The following VAV3 variants were observed in gnomAD, a reference collection of about 807,000 sequenced individuals.
The protein encoded by VAV3 is guanine nucleotide exchange factor VAV3.
In VAV3, 94 loss-of-function variants were observed where a neutral mutation model predicts 131.2. The ratio of observed to expected loss-of-function variants is 0.72; its 90% CI spans 0.61 to 0.85. The LOEUF (loss-of-function observed/expected upper bound fraction) is 0.85, where lower values mean the gene tolerates loss of function less well. VAV3 is among the 40% of genes least tolerant of loss of function. The pLI is 0.00. For missense variants in VAV3, 939 were observed against 1,002.7 expected, an observed-to-expected ratio of 0.94 and a Z score of 0.86; for synonymous variants, 349 against 342.0, an observed-to-expected ratio of 1.02 and a Z score of -0.22.
intron 1 of VAV3, among the ~76,000 whole-genome samples, chr1:107,909,835 A>G (rs1431134066): frequency 1.3e-5 from 2 of 152,178 alleles, no homozygotes; most frequent in Non-Finnish European, 2.9e-5. Context: ...AATCTTTCTA[A>G]TCAGTGAAGA....
Position 107,801,350 on chromosome 1 carries a change from T to A in VAV3, c.322-21858A>T, listed in dbSNP as rs115802367. Among the ~76,000 whole-genome samples, 497 of 152,268 alleles carry A rather than the reference T, an allele frequency of 3.3e-3. 1 individual carries two copies. Among genetic ancestry groups the A allele is most frequent in the African/African-American group, 0.011 (463 of 41,572 alleles). On this transcript the variant is annotated intron_variant, in intron 2 of 26. Coordinates refer to ENST00000370056, the MANE Select transcript of VAV3 (RefSeq NM_006113.5). ...CATTTTTCTATTTCTGTGAAGAATA[T>A]CACTGATATTTTGATAAGGACTGCA...
chr1:107,840,129 T>G (rs1189115110), intron 2 of VAV3, among the ~76,000 whole-genome samples: 1 of 152,214 alleles, frequency 6.6e-6, no homozygotes, highest in Non-Finnish European at 1.5e-5. Context: ...ATAGAAAGAA[T>G]ACTTCCTAAA....
intron 25 of VAV3, among the ~76,000 whole-genome samples, chr1:107,593,228 A>G (rs1651106874): frequency 6.6e-6 from 1 of 152,162 alleles, no homozygotes. Context: ...GAATTTGCAT[A>G]AGATAGTCCT....
At chr1:107,704,795 G>C in intron 16 of VAV3, 145 bp from the exon 17 acceptor site, 2 of 990,192 alleles carry the variant, frequency 2.0e-6, no homozygotes, top group Non-Finnish European at 3.0e-6. Flanking sequence ...CAGAGCTTCT[G>C]AAAGGACTGT....
intron 2 of VAV3, among the ~76,000 whole-genome samples, chr1:107,854,567 T>C (rs923108899): frequency 2.0e-5 from 3 of 152,222 alleles, no homozygotes; most frequent in Non-Finnish European, 2.9e-5. Flanking sequence ...TTATTTCTCA[T>C]GCTTCTGCAA....
intron 15 of VAV3, among the ~76,000 whole-genome samples, chr1:107,711,567 A>C (rs535421625): frequency 6.6e-6 from 1 of 152,218 alleles, no homozygotes; most frequent in Non-Finnish European, 1.5e-5. Flanking sequence ...CCTTCTAAAG[A>C]TAGCAAATTC....
intron 1 of VAV3, among the ~76,000 whole-genome samples, chr1:107,953,680 C>A (rs1674662730): frequency 6.6e-6 from 1 of 152,184 alleles, no homozygotes; most frequent in African/African-American, 2.4e-5. Context: ...GAACCCAGGT[C>A]TCCTGACTCC....
At chr1:107,666,703 G>A (rs577775743) in intron 19 of VAV3, among the ~76,000 whole-genome samples, 1 of 151,956 alleles carries the variant, frequency 6.6e-6, no homozygotes, top group South Asian at 2.1e-4. Context: ...CTGAGTGGCT[G>A]GGACTACAGG....
chr1:107,572,496 G>C lies in VAV3; in HGVS notation c.*835C>G, dbSNP rs546154570. The C allele has an allele frequency of 6.5e-6, 1 of 152,726 alleles. No homozygotes were observed. Among genetic ancestry groups the C allele is most frequent in the South Asian group, 2.1e-4 (1 of 4,826 alleles). The allele number at this position is 152,726 out of a possible 1,614,324, so 9.5% of individuals were successfully genotyped here. A position where few individuals can be genotyped will look rare whatever the true frequency, so the allele number is the denominator to read the frequency against. On this transcript the variant is annotated 3_prime_UTR_variant, in exon 27 of 27. Coordinates refer to ENST00000370056, the MANE Select transcript of VAV3 (RefSeq NM_006113.5). ...TGATCTGTTTCTGTAAACAATGCCA[G>C]CTTCTTCAGGTTATTGGCAACTACC...
chr1:107,761,002 T>C, intron 9 of VAV3, 123 bp from the exon 10 acceptor site: 2 of 549,438 alleles, frequency 3.6e-6, no homozygotes, highest in Admixed American at 3.4e-5. Context: ...AATCCTTCTC[T>C]GTAAATAACA....
rs1016213968 is a variant in VAV3, at chr1:107,877,757, A to G, written c.205-2740T>C. 2.0e-5 allele frequency among the ~76,000 whole-genome samples: 3 copies of G among 152,208 alleles called. No homozygotes were observed. The East Asian group carries it at 5.8e-4, about 29-fold the overall frequency. ...CAACATTACACATACTGGAAATGTT[A>G]AAAATGAACAAGACAAAGCTCTTCC... is the stretch of plus-strand genomic sequence containing the variant. On this transcript the variant is annotated intron_variant, in intron 1 of 26. Coordinates refer to ENST00000370056, the MANE Select transcript of VAV3 (RefSeq NM_006113.5).
chr1:107,745,324 T>C (rs1663273761), intron 15 of VAV3, among the ~76,000 whole-genome samples: 2 of 152,200 alleles, frequency 1.3e-5, no homozygotes, highest in Admixed American at 6.5e-5. Flanking sequence ...TTTGGTCTAT[T>C]TGGCTCAATA....
intron 2 of VAV3, among the ~76,000 whole-genome samples, chr1:107,859,075 T>TG (rs1669614616): frequency 6.9e-6 from 1 of 144,774 alleles, no homozygotes; most frequent in Non-Finnish European, 1.5e-5. Flanking sequence ...CTTGAGGAGT[T>TG]TTTTTTTTTT....
At chr1:107,665,996 G>GA (rs1657383189) in intron 19 of VAV3, among the ~76,000 whole-genome samples, 3 of 152,254 alleles carry the variant, frequency 2.0e-5, no homozygotes, top group South Asian at 4.1e-4. Flanking sequence ...CAGGGAGGGG[G>GA]AAGAGTATTT....
At chr1:107,722,838 C>CT (rs144189947) in intron 15 of VAV3, among the ~76,000 whole-genome samples, 5 of 25,272 alleles carry the variant, frequency 2.0e-4, no homozygotes, top group African/African-American at 1.8e-4. Context: ...CTATTATCCT[C>CT]TCTTTTTTTT....
chr1:107,712,288 T>C (rs1045534112), intron 15 of VAV3, among the ~76,000 whole-genome samples: 33 of 152,198 alleles, frequency 2.2e-4, no homozygotes, highest in African/African-American at 7.7e-4. Context: ...GCAGGCCACA[T>C]GTGGCCCAAC....
chr1:107,805,052 A>C (rs1389008241), intron 2 of VAV3, among the ~76,000 whole-genome samples: 1 of 151,720 alleles, frequency 6.6e-6, no homozygotes, highest in Non-Finnish European at 1.5e-5. Flanking sequence ...GAGTTCCTTT[A>C]TATGTTATTT....
At chr1:107,866,642 G>A (rs771009181) in intron 2 of VAV3, among the ~76,000 whole-genome samples, 22 of 151,590 alleles carry the variant, frequency 1.5e-4, no homozygotes, top group African/African-American at 2.9e-4. Context: ...CCAACATGGC[G>A]AAACCCCATC....
At position 107,662,889 on chromosome 1, in the gene VAV3, T is replaced by A. The variant is rs1042368519; in HGVS notation, c.1778-20134A>T. Among the ~76,000 whole-genome samples, 7 of 152,264 alleles carry A rather than the reference T, an allele frequency of 4.6e-5. No individual in the cohort carries two copies. In the East Asian group the frequency reaches 1.4e-3, roughly 29 times the overall value. The stretch of plus-strand genomic sequence containing the variant: ...GCAGGTGTCAATCAGAAAGCAGAAA[T>A]TCCCCAACACTGAAACCCTCACTAT... On this transcript the variant is annotated intron_variant, in intron 19 of 26. Coordinates refer to ENST00000370056, the MANE Select transcript of VAV3 (RefSeq NM_006113.5).
Sources: gnomAD v4.1 joint callset for allele counts (sites outside exome capture counted in the v4.1 genomes callset) on GRCh38, gnomAD v4.1.1 for gene constraint, MANE v1.5 for transcripts, NCBI Gene and HGNC (gene_info 2026-07-23, HGNC 2026-07-21) for gene names.